Variants in TBC1D13 observed in about 807,000 individuals in gnomAD.
The protein encoded by TBC1D13 is TBC1 domain family member 13.
A neutral mutation model predicts 53.6 loss-of-function variants in TBC1D13; 40 were observed. The observed-to-expected ratio is 0.75, with a 90% CI of 0.58 to 0.97. The LOEUF is 0.97. Ranked by LOEUF, TBC1D13 falls within the 50% of genes least tolerant of loss-of-function variation. The pLI, the probability that TBC1D13 is intolerant of heterozygous loss-of-function variation, is 0.00. For synonymous variants in TBC1D13, 182 were observed against 197.7 expected (o/e 0.92, Z 0.67); for missense variants, 377 against 499.4 (o/e 0.75, Z 2.34).
Position 128,788,741 on chromosome 9 carries a change from G to A in TBC1D13, c.97+334G>A, listed in dbSNP as rs537372013. Among the ~76,000 whole-genome samples the A allele has an allele frequency of 3.3e-5, 5 of 152,108 alleles. No individual in the cohort carries two copies. The East Asian group carries it at 9.6e-4, about 29-fold the overall frequency. ...TGAGAGTTGGGACCTTTTGAGCCCA[G>A]GACAGTCTTTCCTCATTCCTTAGCT... On this transcript the variant is annotated intron_variant, in intron 2 of 11. Coordinates refer to ENST00000372648, the MANE Select transcript of TBC1D13 (RefSeq NM_018201.5).
intron 11 of TBC1D13, among the ~76,000 whole-genome samples, chr9:128,806,962 C>T (rs567069688): frequency 8.4e-4 from 127 of 151,722 alleles, no homozygotes; most frequent in Non-Finnish European, 1.5e-3. Context: ...AGAACATGGG[C>T]TCAAGGGCCT....
In TBC1D13 at chr9:128,788,323, TC is replaced by T. The variant is rs1334064904; in HGVS notation, c.24-7del. The T allele has an allele frequency of 1.9e-6, 3 of 1,613,620 alleles. No homozygotes were observed. In the African/African-American group the frequency reaches 4.0e-5, roughly 22 times the overall value. On this transcript the variant is annotated splice_polypyrimidine_tract_variant and intron_variant, in intron 1 of 11. Transcript: ENST00000372648. ...AGCATGCTTCATTTGCCGCCCTATC[TC>T]CCCTTCCAGAATTGCAGATTTCCAG...
At position 128,808,162 on chromosome 9, in the gene TBC1D13, G is replaced by A. The variant is rs1188983234; in HGVS notation, c.*283G>A. On this transcript the variant is annotated 3_prime_UTR_variant, in exon 12 of 12. Coordinates refer to ENST00000372648, the MANE Select transcript of TBC1D13 (RefSeq NM_018201.5). Reference sequence around the variant, plus strand: ...GCCAGGGCCGTTTCTGGCACTGGGAGGCTGGCAGGGGCCCCTCCCTGCCTC... The same window carrying A: ...GCCAGGGCCGTTTCTGGCACTGGGAAGCTGGCAGGGGCCCCTCCCTGCCTC... 8 of 435,038 alleles carry A rather than the reference G, an allele frequency of 1.8e-5. No homozygotes were observed. The Middle Eastern group carries it at 4.0e-3, about 216-fold the overall frequency. The allele number at this position is 435,038 out of a possible 1,614,324, so 26.9% of individuals were successfully genotyped here. A position where few individuals can be genotyped will look rare whatever the true frequency, so the allele number is the denominator to read the frequency against.
At chr9:128,807,705 C>G (rs987082008) in intron 11 of TBC1D13, 109 bp from the exon 12 acceptor site, 3 of 1,133,934 alleles carry the variant, frequency 2.6e-6, no homozygotes, top group Non-Finnish European at 4.0e-6. Context: ...TGTGCTCCTG[C>G]CCCTGAGGCC....
intron 6 of TBC1D13, among the ~76,000 whole-genome samples, chr9:128,796,163 C>G (rs943665306): frequency 3.3e-5 from 5 of 152,316 alleles, no homozygotes; most frequent in Middle Eastern, 3.4e-3. Flanking sequence ...TCTTGGCTCA[C>G]TGCAATCTCC....
intron 7 of TBC1D13, among the ~76,000 whole-genome samples, chr9:128,798,987 A>G (rs545097036): frequency 5.3e-5 from 8 of 152,292 alleles, no homozygotes; most frequent in Admixed American, 1.3e-4. Flanking sequence ...GTGCCAGGAT[A>G]ACAGGCGTGA....
chr9:128,790,682 G>A, intron 2 of TBC1D13, 53 bp from the exon 3 acceptor site: 1 of 1,514,600 alleles, frequency 6.6e-7, no homozygotes, highest in South Asian at 1.3e-5. Flanking sequence ...GTGAAGGGCT[G>A]GGGGTTCTGG....
chr9:128,805,735 T>C, intron 9 of TBC1D13, 124 bp from the exon 10 acceptor site: 1 of 1,114,018 alleles, frequency 9.0e-7, no homozygotes, highest in Non-Finnish European at 1.3e-6. Context: ...GTGCCAGCCC[T>C]GGTGCTCACA....
At position 128,800,168 on chromosome 9, in the gene TBC1D13, G is replaced by C. The variant is rs572105864; in HGVS notation, c.543+2954G>C. 1.1e-4 allele frequency among the ~76,000 whole-genome samples: 17 copies of C among 152,264 alleles called. No individual in the cohort carries two copies. The Middle Eastern group carries it at 0.014, about 122-fold the overall frequency. ...TCCAGGACCCTATGCTTCCAGGATGGCTTCATCCACTGTCACTGCCTGGGT... is the reference window on the plus strand; with the variant it reads ...TCCAGGACCCTATGCTTCCAGGATGCCTTCATCCACTGTCACTGCCTGGGT... On this transcript the variant is annotated intron_variant, in intron 7 of 11. Transcript: ENST00000372648.
intron 5 of TBC1D13, 120 bp from the exon 6 acceptor site, chr9:128,792,372 A>G (rs2132533839): frequency 1.3e-6 from 1 of 790,050 alleles, no homozygotes; most frequent in East Asian, 2.7e-5. Flanking sequence ...TGGTGTCAGG[A>G]CCACACCTCA....
chr9:128,808,019 G>A lies in TBC1D13; in HGVS notation c.*140G>A. The stretch of plus-strand genomic sequence containing the variant: ...CCGAGACCCAGGCCATGCCCACTGG[G>A]GACACACTGTGCCGTGCTCCTTCTG... On this transcript the variant is annotated 3_prime_UTR_variant, in exon 12 of 12. Coordinates refer to ENST00000372648, the MANE Select transcript of TBC1D13 (RefSeq NM_018201.5). 2.6e-6 allele frequency: 2 copies of A among 757,122 alleles called. No homozygotes were observed. The highest frequency in any genetic ancestry group is 2.7e-5 in the East Asian group (1 of 37,010). The allele number at this position is 757,122 out of a possible 1,614,324, so 46.9% of individuals were successfully genotyped here.
chr9:128,795,969 TA>T (rs1035143035), intron 6 of TBC1D13, among the ~76,000 whole-genome samples: 14 of 151,354 alleles, frequency 9.2e-5, no homozygotes, highest in Admixed American at 2.0e-4. Context: ...AATGACACTT[TA>T]AAAAAAAAGT....
intron 6 of TBC1D13, among the ~76,000 whole-genome samples, chr9:128,794,453 TG>T (rs1392533805): frequency 6.6e-6 from 1 of 152,148 alleles, no homozygotes; most frequent in Admixed American, 6.6e-5. Context: ...TCTGTTTTTT[TG>T]TTTTCTGTTT....
At chr9:128,798,804 C>T (rs1190047439) in intron 7 of TBC1D13, among the ~76,000 whole-genome samples, 2 of 152,236 alleles carry the variant, frequency 1.3e-5, no homozygotes, top group Admixed American at 6.5e-5. Flanking sequence ...CTGTAGCCTC[C>T]AACAAGCTAG....
chr9:128,808,209 G>T lies in TBC1D13; in HGVS notation c.*330G>T. 1 of 356,270 alleles carries T rather than the reference G, an allele frequency of 2.8e-6. No homozygotes were observed. Among genetic ancestry groups the T allele is most frequent in the Non-Finnish European group, 5.4e-6 (1 of 185,044 alleles). The allele number at this position is 356,270 out of a possible 1,614,324, so 22.1% of individuals were successfully genotyped here. A position where few individuals can be genotyped will look rare whatever the true frequency, so the allele number is the denominator to read the frequency against. On this transcript the variant is annotated 3_prime_UTR_variant, in exon 12 of 12. Transcript: ENST00000372648. ...CCTCGGCTCTGCCGCCCCAGCCTCA[G>T]TTCCTGCTTCTGGTCTTCTCCTGGG...
At chr9:128,805,789 A>G (rs750571938) in intron 9 of TBC1D13, 70 bp from the exon 10 acceptor site, 243 of 1,532,626 alleles carry the variant, frequency 1.6e-4, no homozygotes, top group Non-Finnish European at 2.1e-4. Flanking sequence ...CTTCTGACCC[A>G]CTGCGTGGTG....
intron 7 of TBC1D13, among the ~76,000 whole-genome samples, chr9:128,800,501 G>A (rs192177651): frequency 6.0e-5 from 9 of 149,264 alleles, no homozygotes; most frequent in Admixed American, 3.4e-4. Context: ...CTCCTGAATA[G>A]CTGGGATCAT....
Position 128,808,456 on chromosome 9 carries a change from T to TGTGTGTGTGTGTGTGTGTGTGTGTGTGTG in TBC1D13, c.*577_*578insGTGTGTGTGTGTGTGTGTGTGTGTGTGTG, listed in dbSNP as rs66465933. ...GTGTGTGTGTGTGTGTGTGTGTGTG[T>TGTGTGTGTGTGTGTGTGTGTGTGTGTGTG]TAGGGAGTGAGGGTCTCTCAGGCCT... On this transcript the variant is annotated 3_prime_UTR_variant, in exon 12 of 12. Transcript: ENST00000372648. 12 of 164,126 alleles carry TGTGTGTGTGTGTGTGTGTGTGTGTGTGTG rather than the reference T, an allele frequency of 7.3e-5. No individual in the cohort carries two copies. The highest frequency in any genetic ancestry group is 1.7e-4 in the East Asian group (1 of 5,764). 10.2% of individuals were successfully genotyped at this position (164,126 alleles called of 1,614,324 possible).
chr9:128,791,785 A>C (rs896127536), intron 5 of TBC1D13, 92 bp downstream of exon 5: 8 of 1,111,694 alleles, frequency 7.2e-6, no homozygotes, highest in African/African-American at 6.1e-5. Context: ...GCCAGGGGGT[A>C]GGTGCAGTCT....
Sources: allele counts gnomAD v4.1 joint callset (sites outside exome capture counted in the v4.1 genomes callset), GRCh38; gene constraint gnomAD v4.1.1; transcripts MANE v1.5; gene names NCBI Gene and HGNC (gene_info 2026-07-23, HGNC 2026-07-21).